Variants in WDR64 observed in about 807,000 individuals in gnomAD.
WDR64 encodes the protein WD repeat-containing protein 64.
Under a neutral mutation model 139.3 loss-of-function variants are expected in WDR64, and 112 were observed. That is an observed-to-expected ratio of 0.80 (90% confidence interval 0.69 to 0.94). The LOEUF is 0.94. WDR64 is among the 40% of genes least tolerant of loss of function. The probability of loss-of-function intolerance (pLI) is 0.00; values close to 1 mark genes in which losing one functional copy is unlikely to be tolerated. For missense variants in WDR64, 1,206 were observed against 1,293.1 expected (o/e 0.93, Z 1.03); for synonymous variants, 444 against 437.7 (o/e 1.01, Z -0.18).
At chr1:241,728,875 C>G (rs1011795901) in intron 10 of WDR64, among the ~76,000 whole-genome samples, 46 of 149,814 alleles carry the variant, frequency 3.1e-4, no homozygotes, top group African/African-American at 1.1e-3. Context: ...TGATTTATAA[C>G]AGATTACAAA....
intron 10 of WDR64, among the ~76,000 whole-genome samples, chr1:241,728,953 G>T: frequency 6.6e-6 from 1 of 152,026 alleles, no homozygotes; most frequent in Non-Finnish European, 1.5e-5. Flanking sequence ...CCTGAGAAAA[G>T]GCAGTTTGAC....
intron 10 of WDR64, among the ~76,000 whole-genome samples, chr1:241,736,353 C>A (rs1301303291): frequency 6.8e-6 from 1 of 146,080 alleles, no homozygotes; most frequent in East Asian, 2.0e-4. Context: ...AATAGTTCAT[C>A]AAAGCAAAAA....
rs192163929 is a variant in WDR64 at position 241,686,731 on chromosome 1, A to G, written c.840-730A>G. Among the ~76,000 whole-genome samples, 190 of 152,314 alleles carry G rather than the reference A, an allele frequency of 1.2e-3. 6 individuals are homozygous for G. Among genetic ancestry groups the G allele is most frequent in the Non-Finnish European group, 1.0e-4 (7 of 68,018 alleles). ...TTATCACTATCCCCCACTCAGCTTC[A>G]CCAGTGATCTCAGATTTTACATTGC... On this transcript the variant is annotated intron_variant, in intron 7 of 27. Transcript: ENST00000437684.
chr1:241,796,068 T>C (rs1451763497), intron 26 of WDR64, among the ~76,000 whole-genome samples, 189 bp from the exon 27 acceptor site: 1 of 152,004 alleles, frequency 6.6e-6, no homozygotes, highest in Non-Finnish European at 1.5e-5. Flanking sequence ...GGCAACATAA[T>C]GGGGCCCTGT....
At chr1:241,748,489 T>A (rs2148259277) in intron 13 of WDR64, among the ~76,000 whole-genome samples, 1 of 152,134 alleles carries the variant, frequency 6.6e-6, no homozygotes, top group South Asian at 2.1e-4. Flanking sequence ...TACTTACTTT[T>A]CTTTTTTTGT....
intron 12 of WDR64, among the ~76,000 whole-genome samples, chr1:241,741,960 A>T (rs1045697765): frequency 6.6e-6 from 1 of 152,132 alleles, no homozygotes; most frequent in Non-Finnish European, 1.5e-5. Context: ...CTGCATTTTG[A>T]TTTTTTTAAA....
chr1:241,668,027 C>T (rs1666084855), intron 2 of WDR64, among the ~76,000 whole-genome samples: 1 of 152,160 alleles, frequency 6.6e-6, no homozygotes, highest in African/African-American at 2.4e-5. Context: ...AGGTGCAGCA[C>T]TTGGAGAAGG....
chr1:241,691,917 G>A (rs1667313384), intron 8 of WDR64, among the ~76,000 whole-genome samples: 2 of 151,990 alleles, frequency 1.3e-5, no homozygotes, highest in South Asian at 4.1e-4. Flanking sequence ...GGAGACTGAG[G>A]TGGGAGAATT....
At chr1:241,678,968 C>T (rs1666669626) in intron 5 of WDR64, among the ~76,000 whole-genome samples, 1 of 149,990 alleles carries the variant, frequency 6.7e-6, no homozygotes, top group Admixed American at 6.7e-5. Context: ...TAAATGGAAG[C>T]TTCTGTTTCT....
intron 15 of WDR64, among the ~76,000 whole-genome samples, chr1:241,765,519 G>A (rs1658117843): frequency 6.6e-6 from 1 of 152,172 alleles, no homozygotes; most frequent in African/African-American, 2.4e-5. Context: ...CTGGAGTCAA[G>A]GACGTCAGGA....
intron 6 of WDR64, among the ~76,000 whole-genome samples, chr1:241,680,483 A>C (rs1269143949): frequency 1.3e-5 from 2 of 152,092 alleles, no homozygotes; most frequent in East Asian, 3.9e-4. Flanking sequence ...AACTTTGATC[A>C]TTACCTCTTC....
In WDR64 at chr1:241,741,514, A is replaced by C; in HGVS notation, c.1322-2A>C. ...TTTATGAGATTCTTACTTCTGTTCC[A>C]GGATCTAGTGTTATGGACATGTATC... On this transcript the variant is annotated splice_acceptor_variant, in intron 11 of 27. Coordinates refer to ENST00000437684, the MANE Select transcript of WDR64 (RefSeq NM_001367482.1). LOFTEE classifies it high-confidence loss of function. 6.3e-7 allele frequency: 1 copy of C among 1,592,346 alleles called. No homozygotes were observed. Among genetic ancestry groups the C allele is most frequent in the Non-Finnish European group, 8.5e-7 (1 of 1,173,476 alleles).
chr1:241,739,081 T>A (rs752295200), intron 11 of WDR64, among the ~76,000 whole-genome samples: 1 of 152,182 alleles, frequency 6.6e-6, no homozygotes, highest in Non-Finnish European at 1.5e-5. Context: ...GCTGACACCT[T>A]CACCAGCCTT....
chr1:241,791,753 G>A (rs973355864), intron 25 of WDR64, among the ~76,000 whole-genome samples: 1 of 152,124 alleles, frequency 6.6e-6, no homozygotes, highest in Non-Finnish European at 1.5e-5. Flanking sequence ...TAATATGCTT[G>A]TCTCAAGGTT....
At chr1:241,749,489 A>G (rs1455153020) in intron 13 of WDR64, 58 bp from the exon 14 acceptor site, 1 of 1,567,994 alleles carries the variant, frequency 6.4e-7, no homozygotes, top group African/African-American at 1.4e-5. Context: ...TCTGAGCGAA[A>G]AGCCAAGCTT....
intron 25 of WDR64, among the ~76,000 whole-genome samples, 154 bp downstream of exon 25, chr1:241,790,850 A>T (rs890911537): frequency 6.6e-6 from 1 of 152,166 alleles, no homozygotes; most frequent in African/African-American, 2.4e-5. Flanking sequence ...AAACAATACA[A>T]ATTAATTATC....
Position 241,674,913 on chromosome 1 carries a change from CT to C in WDR64, c.483+168del, listed in dbSNP as rs1245917813. Among the ~76,000 whole-genome samples the C allele has an allele frequency of 2.5e-4, 16 of 63,192 alleles. 3 individuals carry two copies. The highest frequency in any genetic ancestry group is 1.1e-3 in the East Asian group (3 of 2,850). 41.5% of individuals were successfully genotyped at this position (63,192 alleles called of 152,430 possible). A position where few individuals can be genotyped will look rare whatever the true frequency, so the allele number is the denominator to read the frequency against. On this transcript the variant is annotated intron_variant, in intron 4 of 27. Coordinates refer to ENST00000437684, the MANE Select transcript of WDR64 (RefSeq NM_001367482.1). ...TGCTTTTATTTCCTTCCTCTTATTCCTTCCTTCCTTCTTTCCTTCCTCCCTC... is the reference window on the plus strand; with the variant it reads ...TGCTTTTATTTCCTTCCTCTTATTCCTCCTTCCTTCTTTCCTTCCTCCCTC...
rs1665957824 is a variant in WDR64, at chr1:241,664,546, G to T, written c.276+3886G>T. 4.0e-5 allele frequency among the ~76,000 whole-genome samples: 6 copies of T among 151,780 alleles called. No individual in the cohort carries two copies. In the South Asian group the frequency reaches 8.4e-4, roughly 21 times the overall value. On this transcript the variant is annotated intron_variant, in intron 2 of 27. Coordinates refer to ENST00000437684, the MANE Select transcript of WDR64 (RefSeq NM_001367482.1). ...TTACATGGAATTCTACAGTAACTGA[G>T]AATTTGGTCTCTGAATGAAATACTA... is the stretch of plus-strand genomic sequence containing the variant.
intron 13 of WDR64, 81 bp downstream of exon 13, chr1:241,744,597 T>A: frequency 6.4e-7 from 1 of 1,568,818 alleles, no homozygotes; most frequent in Non-Finnish European, 8.7e-7. Flanking sequence ...TTCTTTAGGG[T>A]AGAAGGAGAG....
Sources: allele counts gnomAD v4.1 joint callset (sites outside exome capture counted in the v4.1 genomes callset), GRCh38; gene constraint gnomAD v4.1.1; transcripts MANE v1.5; gene names NCBI Gene and HGNC (gene_info 2026-07-23, HGNC 2026-07-21).